The following CSMD1 variants were observed in gnomAD, a reference collection of about 807,000 sequenced individuals.
CSMD1 encodes CUB and sushi domain-containing protein 1.
A neutral mutation model predicts 417.5 loss-of-function variants in CSMD1; 213 were observed. That is an observed-to-expected ratio of 0.51 (90% CI 0.46 to 0.57). The LOEUF (loss-of-function observed/expected upper bound fraction) is 0.57, where lower values mean the gene tolerates loss of function less well. Among genes scored for constraint, CSMD1 ranks in the 20% least tolerant of loss-of-function variants. The pLI is 0.00. For synonymous variants in CSMD1, 2,862 were observed against 1,736.8 expected, an observed-to-expected ratio of 1.65 and a Z score of -16.11; for missense variants, 6,923 against 4,529.7, an observed-to-expected ratio of 1.53 and a Z score of -15.17.
intron 1 of CSMD1, among the ~76,000 whole-genome samples, chr8:4,697,812 C>T (rs1336689984): frequency 1.3e-5 from 2 of 152,156 alleles, no homozygotes; most frequent in African/African-American, 4.8e-5. Flanking sequence ...TTCTGTAAGC[C>T]ATAAACACTA....
intron 1 of CSMD1, among the ~76,000 whole-genome samples, chr8:4,939,438 T>C (rs1380321169): frequency 1.3e-5 from 2 of 152,210 alleles, no homozygotes; most frequent in Non-Finnish European, 2.9e-5. Flanking sequence ...AAACGTAATC[T>C]ATATACCTAA....
intron 5 of CSMD1, among the ~76,000 whole-genome samples, chr8:3,800,215 A>C (rs1197642319): frequency 1.3e-5 from 2 of 152,140 alleles, no homozygotes; most frequent in African/African-American, 4.8e-5. Flanking sequence ...CTTTCAACAA[A>C]CTTATTGATG....
At chr8:4,834,870 A>T (rs182567610) in intron 1 of CSMD1, among the ~76,000 whole-genome samples, 2,095 of 141,568 alleles carry the variant, frequency 0.015, 42 homozygotes, top group African/African-American at 0.05. Context: ...GGCAGGAGAA[A>T]GGCGGAAACC....
intron 7 of CSMD1, among the ~76,000 whole-genome samples, chr8:3,665,991 C>A (rs1040646136): frequency 6.6e-6 from 1 of 152,130 alleles, no homozygotes; most frequent in Non-Finnish European, 1.5e-5. Flanking sequence ...GATTTTCCTG[C>A]CTTAGCCTCC....
chr8:4,983,340 C>T (rs967494069), intron 1 of CSMD1, among the ~76,000 whole-genome samples: 1 of 152,194 alleles, frequency 6.6e-6, no homozygotes, highest in African/African-American at 2.4e-5. Context: ...AAAATAATGG[C>T]TGGAATCAAG....
chr8:4,061,594 G>T (rs550549335), intron 3 of CSMD1, among the ~76,000 whole-genome samples: 2 of 152,172 alleles, frequency 1.3e-5, no homozygotes, highest in Non-Finnish European at 2.9e-5. Context: ...AAGTTGTCTG[G>T]TTCCAGACAC....
chr8:4,594,414 G>A lies in CSMD1; in HGVS notation c.302+42928C>T, dbSNP rs148197951. On this transcript the variant is annotated intron_variant, in intron 2 of 69. Transcript: ENST00000635120. ...AGGATTTCACCATGTTGGCCAGGCT[G>A]GTCTCAAACTCCTGAACTCAAGTAA... Among the ~76,000 whole-genome samples, 105 of 151,914 alleles carry A rather than the reference G, an allele frequency of 6.9e-4. No individual in the cohort carries two copies. The East Asian group carries it at 0.019, about 27-fold the overall frequency.
intron 26 of CSMD1, among the ~76,000 whole-genome samples, chr8:3,275,047 G>C (rs1021902867): frequency 3.6e-4 from 55 of 152,270 alleles, no homozygotes; most frequent in African/African-American, 1.2e-3. Context: ...AATTTGGCAT[G>C]ATTTTGCCGT....
At chr8:4,613,036 G>T (rs761225019) in intron 2 of CSMD1, among the ~76,000 whole-genome samples, 1 of 152,142 alleles carries the variant, frequency 6.6e-6, no homozygotes, top group Non-Finnish European at 1.5e-5. Flanking sequence ...AAGGGGGCTA[G>T]AGGAACTTGT....
chr8:3,089,613 T>G (rs1274337824), intron 48 of CSMD1, among the ~76,000 whole-genome samples: 2 of 152,220 alleles, frequency 1.3e-5, no homozygotes, highest in Non-Finnish European at 2.9e-5. Flanking sequence ...AGGGACACTT[T>G]CATTTAATCA....
At chr8:4,916,905 G>C (rs975514463) in intron 1 of CSMD1, among the ~76,000 whole-genome samples, 1 of 152,226 alleles carries the variant, frequency 6.6e-6, no homozygotes, top group African/African-American at 2.4e-5. Context: ...TTTGACTGGT[G>C]ATGGATACCA....
chr8:4,981,166 G>C (rs980900052), intron 1 of CSMD1, among the ~76,000 whole-genome samples: 1 of 83,332 alleles, frequency 1.2e-5, no homozygotes, highest in African/African-American at 7.6e-5. Flanking sequence ...TATTTGAAAC[G>C]TTCAACTGAA....
chr8:4,943,058 T>G (rs114576272), intron 1 of CSMD1, among the ~76,000 whole-genome samples: 1 of 152,262 alleles, frequency 6.6e-6, no homozygotes, highest in South Asian at 2.1e-4. Context: ...TAGTGAGACA[T>G]GAAAGTAATT....
intron 1 of CSMD1, among the ~76,000 whole-genome samples, chr8:4,889,272 T>C (rs895186266): frequency 2.9e-4 from 44 of 152,202 alleles, no homozygotes; most frequent in African/African-American, 1.0e-3. Flanking sequence ...CAAAAATCCA[T>C]AGCCTAAATT....
chr8:3,871,987 A>G (rs895602575), intron 5 of CSMD1, among the ~76,000 whole-genome samples: 6 of 152,148 alleles, frequency 3.9e-5, no homozygotes, highest in African/African-American at 1.4e-4. Context: ...AACCTGCACT[A>G]TTTCCTATGC....
intron 18 of CSMD1, among the ~76,000 whole-genome samples, chr8:3,376,703 G>C (rs1585074478): frequency 6.6e-6 from 1 of 152,142 alleles, no homozygotes; most frequent in East Asian, 1.9e-4. Context: ...GTGTGAAAGA[G>C]TAATGTTAAA....
chr8:3,726,947 C>G (rs1187922557), intron 6 of CSMD1, among the ~76,000 whole-genome samples: 1 of 152,186 alleles, frequency 6.6e-6, no homozygotes, highest in African/African-American at 2.4e-5. Context: ...AATGACTAAA[C>G]TCTGAAGAAT....
At chr8:4,201,352 C>G (rs1799633328) in intron 3 of CSMD1, among the ~76,000 whole-genome samples, 1 of 151,894 alleles carries the variant, frequency 6.6e-6, no homozygotes, top group Non-Finnish European at 1.5e-5. Context: ...TCTTGGGTAA[C>G]ACGGTGAAAC....
At chr8:3,095,891 T>C (rs938468246) in intron 47 of CSMD1, among the ~76,000 whole-genome samples, 3 of 152,178 alleles carry the variant, frequency 2.0e-5, no homozygotes, top group African/African-American at 7.2e-5. Context: ...AAAAAAATCA[T>C]AAGACTATTG....
Sources: allele counts gnomAD v4.1 joint callset (sites outside exome capture counted in the v4.1 genomes callset), GRCh38; gene constraint gnomAD v4.1.1; transcripts MANE v1.5; gene names NCBI Gene and HGNC (gene_info 2026-07-23, HGNC 2026-07-21).